Variants in PARD3B observed in about 807,000 individuals in gnomAD.
The protein encoded by PARD3B is partitioning defective 3 homolog B.
PARD3B carries 103 observed loss-of-function variants against 130.2 expected under a neutral mutation model. That is an observed-to-expected ratio of 0.79 (90% CI 0.67 to 0.93). The LOEUF is 0.93. Among genes scored for constraint, PARD3B ranks in the 40% least tolerant of loss-of-function variants. The pLI is 0.00. For synonymous variants in PARD3B, 583 were observed against 553.2 expected (o/e 1.05, Z -0.76); for missense variants, 1,609 against 1,499.2 (o/e 1.07, Z -1.21).
At chr2:205,378,735 G>A (rs1030008127) in intron 18 of PARD3B, among the ~76,000 whole-genome samples, 2 of 151,004 alleles carry the variant, frequency 1.3e-5, no homozygotes, top group South Asian at 4.2e-4. Context: ...AGGTTCAAGT[G>A]ATTCTCCTGC....
chr2:205,224,596 T>C (rs1032834180), intron 15 of PARD3B, among the ~76,000 whole-genome samples: 14 of 142,272 alleles, frequency 9.8e-5, no homozygotes, highest in African/African-American at 3.4e-4. Context: ...CCTCTGGTTA[T>C]CATCATTCTA....
chr2:204,663,116 C>T (rs1282833787), intron 1 of PARD3B, among the ~76,000 whole-genome samples: 2 of 152,164 alleles, frequency 1.3e-5, no homozygotes, highest in Non-Finnish European at 2.9e-5. Flanking sequence ...TTCGCCATGA[C>T]GAACATGTAG....
chr2:205,064,017 TCTG>T (rs1193526673), intron 4 of PARD3B, among the ~76,000 whole-genome samples: 1 of 152,138 alleles, frequency 6.6e-6, no homozygotes, highest in Non-Finnish European at 1.5e-5. Flanking sequence ...TAAAAACTGT[TCTG>T]CTATTAGTTG....
rs144789755 is a variant in PARD3B, at chr2:205,402,534, A to G, written c.2741+1411A>G. 3.9e-5 allele frequency among the ~76,000 whole-genome samples: 6 copies of G among 152,314 alleles called. No homozygotes were observed. In the East Asian group the frequency reaches 1.2e-3, roughly 29 times the overall value. On this transcript the variant is annotated intron_variant, in intron 19 of 22. Transcript: ENST00000406610. Reference sequence around the variant, plus strand: ...CTCATACTTACTTGGGACAGGGGAAAAAAACTCTTAGTAGCTGGGGAACTG... The same window carrying G: ...CTCATACTTACTTGGGACAGGGGAAGAAAACTCTTAGTAGCTGGGGAACTG...
chr2:205,466,141 C>T (rs369976513), intron 20 of PARD3B, among the ~76,000 whole-genome samples: 2 of 152,322 alleles, frequency 1.3e-5, no homozygotes, highest in South Asian at 2.1e-4. Context: ...GTGACACTCA[C>T]GCTGCTGGTC....
chr2:205,469,315 C>T (rs748229684), intron 20 of PARD3B, among the ~76,000 whole-genome samples: 1 of 152,156 alleles, frequency 6.6e-6, no homozygotes, highest in Non-Finnish European at 1.5e-5. Flanking sequence ...CTTGTCTTGC[C>T]TCCTAGTCAG....
At chr2:204,968,930 T>G (rs773839299) in intron 3 of PARD3B, among the ~76,000 whole-genome samples, 2 of 152,262 alleles carry the variant, frequency 1.3e-5, no homozygotes, top group Non-Finnish European at 2.9e-5. Context: ...CTCATTCATC[T>G]AAATTATTTC....
intron 18 of PARD3B, among the ~76,000 whole-genome samples, chr2:205,392,639 C>A (rs920576973): frequency 1.3e-5 from 2 of 152,128 alleles, no homozygotes; most frequent in African/African-American, 4.8e-5. Context: ...GTTTGTCGTT[C>A]GTTATTAAAG....
At chr2:204,672,039 G>A (rs1158743542) in intron 1 of PARD3B, among the ~76,000 whole-genome samples, 12 of 151,980 alleles carry the variant, frequency 7.9e-5, no homozygotes, top group Admixed American at 7.9e-4. Flanking sequence ...TACACAATTG[G>A]CATTCCTGCT....
chr2:205,367,435 G>A (rs935130496), intron 18 of PARD3B, among the ~76,000 whole-genome samples: 2 of 152,120 alleles, frequency 1.3e-5, no homozygotes, highest in Non-Finnish European at 2.9e-5. Flanking sequence ...AGAATTTCCT[G>A]ACAGTAAGAT....
At chr2:204,950,271 A>G (rs1294098838) in intron 2 of PARD3B, among the ~76,000 whole-genome samples, 2 of 152,244 alleles carry the variant, frequency 1.3e-5, no homozygotes, top group African/African-American at 2.4e-5. Flanking sequence ...GAGATAATAC[A>G]GTCTGATACT....
chr2:205,029,588 T>C (rs1467875296), intron 3 of PARD3B, among the ~76,000 whole-genome samples: 1 of 152,196 alleles, frequency 6.6e-6, no homozygotes, highest in Non-Finnish European at 1.5e-5. Context: ...GTTAGAATTA[T>C]AATTCTCCCT....
chr2:204,948,767 T>C (rs1689536490), intron 2 of PARD3B, among the ~76,000 whole-genome samples: 1 of 152,220 alleles, frequency 6.6e-6, no homozygotes, highest in Non-Finnish European at 1.5e-5. Flanking sequence ...AAAATAGGGC[T>C]TTTTCTTTTG....
At chr2:205,610,166 A>G (rs2055178788) in intron 22 of PARD3B, among the ~76,000 whole-genome samples, 1 of 152,172 alleles carries the variant, frequency 6.6e-6, no homozygotes, top group South Asian at 2.1e-4. Flanking sequence ...AGTAGCTTAT[A>G]TGAAAATCAT....
intron 2 of PARD3B, among the ~76,000 whole-genome samples, chr2:204,852,341 A>AT (rs1296809813): frequency 6.6e-6 from 1 of 152,088 alleles, no homozygotes; most frequent in East Asian, 1.9e-4. Context: ...ATATATGTAT[A>AT]TAGGGGAGAT....
At chr2:204,671,196 G>A (rs2036280470) in intron 1 of PARD3B, among the ~76,000 whole-genome samples, 1 of 152,070 alleles carries the variant, frequency 6.6e-6, no homozygotes, top group Admixed American at 6.5e-5. Flanking sequence ...CTTTGCTGGC[G>A]TTGGATAGAG....
At position 205,184,451 on chromosome 2, in the gene PARD3B, A is replaced by T. The variant is rs374078751; in HGVS notation, c.1925-1313A>T. On this transcript the variant is annotated intron_variant, in intron 13 of 22. Transcript: ENST00000406610. ...CATTTACAAATCACTGCTTAAATAT[A>T]ATTTAGTTTGGCCCGGCGCGGTGGC... Among the ~76,000 whole-genome samples the T allele has an allele frequency of 2.6e-5, 4 of 152,272 alleles. No homozygotes were observed. In the South Asian group the frequency reaches 8.3e-4, roughly 32 times the overall value.
At position 204,677,328 on chromosome 2, in the gene PARD3B, G is replaced by C. The variant is rs913316867; in HGVS notation, c.121-8853G>C. Among the ~76,000 whole-genome samples the C allele has an allele frequency of 2.0e-5, 3 of 152,302 alleles. No individual in the cohort carries two copies. The highest frequency in any genetic ancestry group is 3.4e-3 in the Middle Eastern group (1 of 294). On this transcript the variant is annotated intron_variant, in intron 1 of 22. Coordinates refer to ENST00000406610, the MANE Select transcript of PARD3B (RefSeq NM_001302769.2). This position sits in a 1 kb window ranked among gnomAD's most constrained non-coding sequence, Gnocchi z 4.1. ...CAGAGGACGTATGTTCACTTCCATT[G>C]TGGTGTCTCCCTAAGGGATTTTTAG...
At chr2:204,553,415 A>C (rs903983837) in intron 1 of PARD3B, among the ~76,000 whole-genome samples, 2 of 151,652 alleles carry the variant, frequency 1.3e-5, no homozygotes, top group African/African-American at 4.9e-5. Context: ...ACCTAGAGGA[A>C]AATAAGTCAT....
Sources: gnomAD v4.1 joint callset for allele counts (sites outside exome capture counted in the v4.1 genomes callset) on GRCh38, gnomAD v4.1.1 for gene constraint, Gnocchi (gnomAD v3.1) non-coding constraint, MANE v1.5 for transcripts, NCBI Gene and HGNC (gene_info 2026-07-23, HGNC 2026-07-21) for gene names.